SEC63: variants seen among roughly 807,000 people sequenced by gnomAD.
SEC63 encodes SEC63 protein translocation regulator.
SEC63 carries 56 observed loss-of-function variants against 116.2 expected under a neutral mutation model. The observed-to-expected ratio is 0.48, with a 90% CI of 0.39 to 0.60. The LOEUF is 0.60. Ranked by LOEUF, SEC63 falls within the 20% of genes least tolerant of loss-of-function variation. The pLI, the probability that SEC63 is intolerant of heterozygous loss-of-function variation, is 0.00. For synonymous variants in SEC63, 273 were observed against 294.6 expected, an observed-to-expected ratio of 0.93 and a Z score of 0.75; for missense variants, 668 against 900.0, an observed-to-expected ratio of 0.74 and a Z score of 3.30.
chr6:107,874,382 C>T (rs1005321661), intron 19 of SEC63, among the ~76,000 whole-genome samples: 3 of 152,052 alleles, frequency 2.0e-5, no homozygotes, highest in Non-Finnish European at 4.4e-5. Context: ...ATCACAAGGT[C>T]AGGAGATTGA....
rs76381602 is a variant in SEC63 at position 107,928,971 on chromosome 6, T to C, written c.224+444A>G. Among the ~76,000 whole-genome samples the C allele has an allele frequency of 2.9e-3, 445 of 152,368 alleles. 3 individuals are homozygous for C. The highest frequency in any genetic ancestry group is 3.4e-3 in the Middle Eastern group (1 of 294). ...TCATCTGAGAAAATGCAAAACCATC[T>C]ACTTTGAAGTTAATACAGAATTAAA... is the stretch of plus-strand genomic sequence containing the variant. On this transcript the variant is annotated intron_variant, in intron 2 of 20. Coordinates refer to ENST00000369002, the MANE Select transcript of SEC63 (RefSeq NM_007214.5).
In SEC63 at chr6:107,913,369, G is replaced by A; in HGVS notation, c.511C>T (p.Gln171Ter). 1 of 1,590,898 alleles carries A rather than the reference G, an allele frequency of 6.3e-7. No homozygotes were observed. Reference protein sequence around the residue: ...WEEFGNPDGPQATSFGIALPA... With the variant: ...WEEFGNPDGP The stretch of plus-strand genomic sequence containing the variant: ...TTAAAATCATCATTTACCACACCTT[G>A]AGGCCCATCTGGATTTCCAAATTCT... The change falls in exon 5 of 21, where the codon CAA becomes TAA. Residue 171 changes from glutamine to a stop codon, truncating the protein, a stop_gained. Transcript: ENST00000369002. LOFTEE classifies it high-confidence loss of function.
Position 107,876,212 on chromosome 6 carries a change from T to G in SEC63, c.2034+352A>C, listed in dbSNP as rs564872037. ...ATCCACATCATCAGTTCTTAGATTT[T>G]TCAAGACAAAAGATCTAATACTCAA... On this transcript the variant is annotated intron_variant, in intron 19 of 20. Coordinates refer to ENST00000369002, the MANE Select transcript of SEC63 (RefSeq NM_007214.5). Among the ~76,000 whole-genome samples the G allele has an allele frequency of 1.1e-4, 17 of 152,310 alleles. No homozygotes were observed. The East Asian group carries it at 3.3e-3, about 29-fold the overall frequency.
chr6:107,955,568 CACTT>C (rs1406579408), intron 1 of SEC63, among the ~76,000 whole-genome samples: 2 of 152,168 alleles, frequency 1.3e-5, no homozygotes, highest in Non-Finnish European at 2.9e-5. Context: ...TTTTCAAAGA[CACTT>C]ACATGCTGAA....
Position 107,924,948 on chromosome 6 carries a change from G to A in SEC63, c.225-16C>T. ...AACTATTTTCCTGTTTAGGAAAAAGGTAAGTGAATCATAAACAAATACATC... is the reference window on the plus strand; with the variant it reads ...AACTATTTTCCTGTTTAGGAAAAAGATAAGTGAATCATAAACAAATACATC... On this transcript the variant is annotated splice_polypyrimidine_tract_variant and intron_variant, in intron 2 of 20. Coordinates refer to ENST00000369002, the MANE Select transcript of SEC63 (RefSeq NM_007214.5). The A allele has an allele frequency of 7.2e-7, 1 of 1,397,014 alleles. No individual in the cohort carries two copies. Among genetic ancestry groups the A allele is most frequent in the Non-Finnish European group, 1.0e-6 (1 of 982,840 alleles). The allele number at this position is 1,397,014 out of a possible 1,614,324, so 86.5% of individuals were successfully genotyped here. A position where few individuals can be genotyped will look rare whatever the true frequency, so the allele number is the denominator to read the frequency against.
chr6:107,950,624 A>T (rs1001787271), intron 1 of SEC63, among the ~76,000 whole-genome samples: 7 of 152,242 alleles, frequency 4.6e-5, no homozygotes, highest in Non-Finnish European at 2.9e-5. Flanking sequence ...GATACACAGA[A>T]GTTAAATCAG....
intron 1 of SEC63, chr6:107,930,170 A>ATTTTTT (rs1787766361): frequency 3.2e-5 from 2 of 62,532 alleles, no homozygotes; most frequent in African/African-American, 6.5e-5. Flanking sequence ...TTTGCAAAGT[A>ATTTTTT]TTCTTTTTTT....
intron 1 of SEC63, among the ~76,000 whole-genome samples, chr6:107,938,583 G>C (rs1422259265): frequency 7.0e-6 from 1 of 142,340 alleles, no homozygotes; most frequent in African/African-American, 2.6e-5. Flanking sequence ...TTTTTTTTTA[G>C]ACGGAGTCTC....
At chr6:107,948,604 C>A (rs1044839639) in intron 1 of SEC63, among the ~76,000 whole-genome samples, 1 of 152,106 alleles carries the variant, frequency 6.6e-6, no homozygotes, top group East Asian at 1.9e-4. Flanking sequence ...TTGGTTTGTA[C>A]CTCCATGTTG....
At chr6:107,917,857 G>T (rs1787447797) in intron 4 of SEC63, among the ~76,000 whole-genome samples, 1 of 152,230 alleles carries the variant, frequency 6.6e-6, no homozygotes, top group African/African-American at 2.4e-5. Context: ...AGGTGAAGTA[G>T]CAAGTGCTGA....
intron 16 of SEC63, among the ~76,000 whole-genome samples, chr6:107,886,398 T>C (rs1463675277): frequency 3.3e-5 from 5 of 152,216 alleles, no homozygotes; most frequent in African/African-American, 1.2e-4. Flanking sequence ...CTGGGTCAAG[T>C]ATTCCTAGTT....
intron 16 of SEC63, chr6:107,883,606 C>T: frequency 6.4e-6 from 1 of 156,596 alleles, no homozygotes; most frequent in Non-Finnish European, 1.4e-5. Context: ...CCAGCATGGG[C>T]AACACAGCAA....
chr6:107,872,897 G>A lies in SEC63; in HGVS notation c.2050C>T (p.Pro684Ser). 1 of 1,548,304 alleles carries A rather than the reference G, an allele frequency of 6.5e-7. No individual in the cohort carries two copies. The highest frequency in any genetic ancestry group is 1.2e-5 in the South Asian group (1 of 84,286). ...TAATTTCCAGGCTTGCCTGGTGCAG[G>A]AAACTTCAGCTCTACCTAGAAGATA... Reference protein sequence around the residue: ...KDTEEVELKFPAPGKPGNYQY... With the variant: ...KDTEEVELKFSAPGKPGNYQY... Residue 684 changes from proline to serine, a missense_variant, in exon 20 of 21, where the codon CCT becomes TCT. By Grantham distance (74) the Pro-to-Ser change is moderately conservative. Transcript: ENST00000369002.
Position 107,869,596 on chromosome 6 carries a change from T to C in SEC63, c.*2108A>G, listed in dbSNP as rs1438001823. ...ACGAAGGGATGTGGAGTTTAGCGAC[T>C]TGCTGGAGAGAGAAGAACTATCAAC... is the stretch of plus-strand genomic sequence containing the variant. On this transcript the variant is annotated 3_prime_UTR_variant, in exon 21 of 21. Coordinates refer to ENST00000369002, the MANE Select transcript of SEC63 (RefSeq NM_007214.5). The C allele has an allele frequency of 6.6e-6, 1 of 152,190 alleles. No homozygotes were observed. Among genetic ancestry groups the C allele is most frequent in the Non-Finnish European group, 1.5e-5 (1 of 68,032 alleles). The allele number at this position is 152,190 out of a possible 1,614,324, so 9.4% of individuals were successfully genotyped here. A position where few individuals can be genotyped will look rare whatever the true frequency, so the allele number is the denominator to read the frequency against.
chr6:107,887,546 A>G (rs1241023719), intron 16 of SEC63, among the ~76,000 whole-genome samples: 4 of 150,052 alleles, frequency 2.7e-5, no homozygotes, highest in Admixed American at 2.0e-4. Flanking sequence ...GGAATTGAAC[A>G]ATGAGATCAC....
At chr6:107,933,230 C>T (rs1213632246) in intron 1 of SEC63, among the ~76,000 whole-genome samples, 2 of 152,196 alleles carry the variant, frequency 1.3e-5, no homozygotes, top group African/African-American at 2.4e-5. Flanking sequence ...ACCCTAGAGC[C>T]TCCAGAAGGA....
chr6:107,903,551 T>A (rs1290547753), intron 11 of SEC63, among the ~76,000 whole-genome samples: 3 of 152,032 alleles, frequency 2.0e-5, no homozygotes, highest in Non-Finnish European at 4.4e-5. Flanking sequence ...ACACAAAATG[T>A]AAAGTTAGCT....
intron 6 of SEC63, among the ~76,000 whole-genome samples, chr6:107,912,488 G>C (rs1456898129): frequency 6.6e-6 from 1 of 152,180 alleles, no homozygotes; most frequent in Non-Finnish European, 1.5e-5. Context: ...CGGGGGCTGA[G>C]GCAGGAGAAT....
rs559246581 is a variant in SEC63, at chr6:107,931,625, T to TGTA, written c.125-2114_125-2112dup. On this transcript the variant is annotated intron_variant, in intron 1 of 20. Coordinates refer to ENST00000369002, the MANE Select transcript of SEC63 (RefSeq NM_007214.5). ...TTAGCCAGGCGTGGTGGCACGTGCC[T>TGTA]GTAGTCCCAGCTACTCGGGAGGCTG... Among the ~76,000 whole-genome samples the TGTA allele has an allele frequency of 4.1e-3, 625 of 151,820 alleles. 3 individuals are homozygous for TGTA. Among genetic ancestry groups the TGTA allele is most frequent in the African/African-American group, 0.014 (586 of 41,380 alleles).
Sources: allele counts gnomAD v4.1 joint callset (sites outside exome capture counted in the v4.1 genomes callset), GRCh38; gene constraint gnomAD v4.1.1; transcripts MANE v1.5; gene names NCBI Gene and HGNC (gene_info 2026-07-23, HGNC 2026-07-21).